EPS15L1: variants seen among roughly 807,000 people sequenced by gnomAD.
EPS15L1 encodes the protein epidermal growth factor receptor substrate 15-like 1.
Under a neutral mutation model 117.1 loss-of-function variants are expected in EPS15L1, and 43 were observed. The ratio of observed to expected loss-of-function variants is 0.37; its 90% CI spans 0.29 to 0.47. The LOEUF (loss-of-function observed/expected upper bound fraction) is 0.47. Among genes scored for constraint, EPS15L1 ranks in the 20% least tolerant of loss-of-function variants. The pLI is 0.99. For synonymous variants in EPS15L1, 459 were observed against 470.5 expected (o/e 0.98, Z 0.32); for missense variants, 981 against 1,164.0 (o/e 0.84, Z 2.29).
intron 1 of EPS15L1, among the ~76,000 whole-genome samples, chr19:16,468,654 A>C (rs1018700829): frequency 2.6e-5 from 4 of 152,302 alleles, no homozygotes; most frequent in Admixed American, 2.6e-4. Context: ...CCATAAACTG[A>C]GTTCTTTTGG....
At chr19:16,409,260 A>G (rs2092685000) in intron 13 of EPS15L1, among the ~76,000 whole-genome samples, 1 of 152,130 alleles carries the variant, frequency 6.6e-6, no homozygotes, top group African/African-American at 2.4e-5. Flanking sequence ...AAAATAATAA[A>G]AACAATGGTG....
Position 16,428,843 on chromosome 19 carries a change from C to T in EPS15L1, c.499-82G>A, listed in dbSNP as rs115905707. ...GACCACCTGCCGGAACTCAGACTCT[C>T]AGCCGTGGCACTCACTGGGCTCAGG... On this transcript the variant is annotated intron_variant, in intron 7 of 23. Coordinates refer to ENST00000455140, the MANE Select transcript of EPS15L1 (RefSeq NM_001258374.3). The T allele has an allele frequency of 1.7e-3, 1,858 of 1,099,118 alleles. 26 individuals are homozygous for T. In the African/African-American group the frequency reaches 0.025, roughly 15 times the overall value. 68.1% of individuals were successfully genotyped at this position (1,099,118 alleles called of 1,614,324 possible).
intron 1 of EPS15L1, among the ~76,000 whole-genome samples, chr19:16,455,974 G>A (rs2093191477): frequency 1.3e-5 from 2 of 152,216 alleles, no homozygotes; most frequent in South Asian, 4.1e-4. Context: ...ACCAAGACGG[G>A]TGGATCACCT....
chr19:16,449,985 G>A (rs2093124161), intron 1 of EPS15L1, among the ~76,000 whole-genome samples: 1 of 151,948 alleles, frequency 6.6e-6, no homozygotes, highest in Non-Finnish European at 1.5e-5. Flanking sequence ...GGTTGCCGGG[G>A]ATAAGGAAGA....
chr19:16,435,889 T>C (rs2092973465), intron 6 of EPS15L1, among the ~76,000 whole-genome samples: 1 of 152,186 alleles, frequency 6.6e-6, no homozygotes, highest in Non-Finnish European at 1.5e-5. Context: ...GTCCCAGCTC[T>C]TCCAGTGAGG....
At chr19:16,378,427 G>A (rs1107955) in intron 21 of EPS15L1, among the ~76,000 whole-genome samples, 3,718 of 151,982 alleles carry the variant, frequency 0.024, 123 homozygotes, top group Admixed American at 0.085. Flanking sequence ...TGGGGAACTC[G>A]GCCCACCTCG....
chr19:16,442,110 T>C lies in EPS15L1; in HGVS notation c.75+68A>G. ...ACAAAAGGCCGCTCAGCCGGGCTTC[T>C]ATTCTGTACTGTGCTTTCAGCTCAG... On this transcript the variant is annotated intron_variant, in intron 2 of 23. Coordinates refer to ENST00000455140, the MANE Select transcript of EPS15L1 (RefSeq NM_001258374.3). 2.0e-6 allele frequency: 3 copies of C among 1,524,962 alleles called. No homozygotes were observed. The South Asian group carries it at 3.4e-5, about 17-fold the overall frequency. The allele number at this position is 1,524,962 out of a possible 1,614,324, so 94.5% of individuals were successfully genotyped here. A position where few individuals can be genotyped will look rare whatever the true frequency, so the allele number is the denominator to read the frequency against.
chr19:16,469,039 T>C (rs2145215616), intron 1 of EPS15L1, among the ~76,000 whole-genome samples: 1 of 152,016 alleles, frequency 6.6e-6, no homozygotes, highest in East Asian at 1.9e-4. Context: ...AAAGATGACT[T>C]CCACAGTGGC....
chr19:16,469,600 G>A, intron 1 of EPS15L1, among the ~76,000 whole-genome samples: 1 of 152,168 alleles, frequency 6.6e-6, no homozygotes, highest in Non-Finnish European at 1.5e-5. Context: ...TCAGAAAAGA[G>A]TATATAAGGA....
At chr19:16,448,546 A>G (rs1161784680) in intron 1 of EPS15L1, among the ~76,000 whole-genome samples, 1 of 108,856 alleles carries the variant, frequency 9.2e-6, no homozygotes, top group Non-Finnish European at 1.9e-5. Context: ...ATTAAAAAAA[A>G]AGGGGGGGGG....
rs543803600 is a variant in EPS15L1, at chr19:16,392,725, T to C, written c.1967-285A>G. Among the ~76,000 whole-genome samples, 4 of 152,288 alleles carry C rather than the reference T, an allele frequency of 2.6e-5. No homozygotes were observed. In the South Asian group the frequency reaches 8.3e-4, roughly 32 times the overall value. On this transcript the variant is annotated intron_variant, in intron 18 of 23. Coordinates refer to ENST00000455140, the MANE Select transcript of EPS15L1 (RefSeq NM_001258374.3). ...TAAAATGGGTGAATTTTGTTCTGTG[T>C]AAATTATGCCACTCAATAAAATTGA... is the stretch of plus-strand genomic sequence containing the variant.
intron 7 of EPS15L1, among the ~76,000 whole-genome samples, chr19:16,431,591 C>T (rs1301859077): frequency 1.3e-5 from 2 of 152,032 alleles, no homozygotes; most frequent in African/African-American, 2.4e-5. Flanking sequence ...CGTGAGCCAC[C>T]GTACCGGGCC....
chr19:16,469,965 C>T, intron 1 of EPS15L1, among the ~76,000 whole-genome samples: 1 of 152,176 alleles, frequency 6.6e-6, no homozygotes, highest in East Asian at 1.9e-4. Context: ...CCAACAGTAA[C>T]CCATGGTGTA....
chr19:16,375,974 G>A (rs1318963389), intron 22 of EPS15L1, among the ~76,000 whole-genome samples: 1 of 152,222 alleles, frequency 6.6e-6, no homozygotes, highest in East Asian at 1.9e-4. Flanking sequence ...GGCATGCGGA[G>A]CCTGCTAGGT....
In EPS15L1 at chr19:16,377,172, G is replaced by A; in HGVS notation, c.2330C>T (p.Pro777Leu). ...AGCAGGTTTCTTCGGAGGCAGAGCA[G>A]GAGTGTCCTGTTTACTTTTAAAGGG... is the stretch of plus-strand genomic sequence containing the variant. The part of the protein sequence containing the change: ...DDPFKSKQDT[P>L]ALPPKKPAPP... The change falls in exon 22 of 24, where the codon CCT (proline) becomes CTT (leucine). Residue 777 changes from proline to leucine, a missense_variant. Physicochemically the swap from Pro to Leu is moderately conservative, Grantham distance 98. This residue lies in a region of EPS15L1 where 819 missense variants were observed against 949.0 expected (regional missense o/e 0.86). Coordinates refer to ENST00000455140, the MANE Select transcript of EPS15L1 (RefSeq NM_001258374.3). 6.2e-7 allele frequency: 1 copy of A among 1,612,228 alleles called. No individual in the cohort carries two copies. Among genetic ancestry groups the A allele is most frequent in the South Asian group, 1.1e-5 (1 of 90,746 alleles).
intron 6 of EPS15L1, 47 bp downstream of exon 6, chr19:16,436,890 T>G (rs553927855): frequency 6.9e-7 from 1 of 1,443,398 alleles, no homozygotes; most frequent in Non-Finnish European, 9.7e-7. Context: ...GCTGGAACAA[T>G]TCTATCTGAA....
intron 1 of EPS15L1, among the ~76,000 whole-genome samples, chr19:16,466,058 G>C (rs528140279): frequency 1.3e-5 from 2 of 148,316 alleles, no homozygotes; most frequent in South Asian, 4.2e-4. Context: ...GTGCAATCTC[G>C]GCTCACTGCA....
chr19:16,440,707 T>C, intron 4 of EPS15L1, 155 bp downstream of exon 4: 1 of 599,392 alleles, frequency 1.7e-6, no homozygotes, highest in Non-Finnish European at 3.0e-6. Context: ...AAAAGACCTT[T>C]ATTTCAAAAT....
At position 16,403,723 on chromosome 19, in the gene EPS15L1, C is replaced by A. The variant is rs770476552; in HGVS notation, c.1626+10G>T. 1 of 1,610,376 alleles carries A rather than the reference C, an allele frequency of 6.2e-7. No homozygotes were observed. The highest frequency in any genetic ancestry group is 1.7e-5 in the Admixed American group (1 of 59,998). On this transcript the variant is annotated intron_variant, in intron 15 of 23. Coordinates refer to ENST00000455140, the MANE Select transcript of EPS15L1 (RefSeq NM_001258374.3). The stretch of plus-strand genomic sequence containing the variant: ...CTGGCATGTGGCAGGGACCCGACTC[C>A]GTGAAGTACCTGGTTGATTTCGTCT...
Sources: gnomAD v4.1 joint callset for allele counts (sites outside exome capture counted in the v4.1 genomes callset) on GRCh38, gnomAD v4.1.1 for gene constraint, gnomAD v4.1.1 regional missense constraint, MANE v1.5 for transcripts, NCBI Gene and HGNC (gene_info 2026-07-23, HGNC 2026-07-21) for gene names.